Variants in PKP4 observed in about 807,000 individuals in gnomAD.
The protein encoded by PKP4 is plakophilin-4.
Under a neutral mutation model 145.1 loss-of-function variants are expected in PKP4, and 90 were observed. That is an observed-to-expected ratio of 0.62 (90% CI 0.52 to 0.74). The LOEUF (loss-of-function observed/expected upper bound fraction) is 0.74. Ranked by LOEUF, PKP4 falls within the 30% of genes least tolerant of loss-of-function variation. PKP4 has a pLI of 0.00. For synonymous variants in PKP4, 563 were observed against 577.2 expected, an observed-to-expected ratio of 0.98 and a Z score of 0.35; for missense variants, 1,340 against 1,482.7, an observed-to-expected ratio of 0.90 and a Z score of 1.58.
At chr2:158,637,046 A>G (rs761476478) in intron 9 of PKP4, among the ~76,000 whole-genome samples, 2 of 152,058 alleles carry the variant, frequency 1.3e-5, no homozygotes, top group Admixed American at 6.5e-5. Flanking sequence ...TCTCATGTTT[A>G]GTCATTTTAA....
At chr2:158,617,181 C>T (rs56140314) in intron 4 of PKP4, among the ~76,000 whole-genome samples, 9,282 of 152,164 alleles carry the variant, frequency 0.061, 654 homozygotes, top group African/African-American at 0.17. Context: ...ATTTTGCAGT[C>T]TTAGGCACAA....
At position 158,607,509 on chromosome 2, in the gene PKP4, G is replaced by T. The variant is rs564796485; in HGVS notation, c.280+4405G>T. On this transcript the variant is annotated intron_variant, in intron 4 of 21. Transcript: ENST00000389759. ...ACCAGAAAGCTGCTATCATCCCTAG[G>T]ACTGCAGAGGCAAAGGGGTAGGTAG... 4.4e-4 allele frequency among the ~76,000 whole-genome samples: 67 copies of T among 152,242 alleles called. 2 individuals carry two copies. In the South Asian group the frequency reaches 0.013, roughly 29 times the overall value.
At chr2:158,545,073 C>CTTTTTTTTTTTTTTTTTT (rs386391605) in intron 2 of PKP4, among the ~76,000 whole-genome samples, 1 of 72,510 alleles carries the variant, frequency 1.4e-5, no homozygotes, top group African/African-American at 5.7e-5. Context: ...AAGTCTTTCA[C>CTTTTTTTTTTTTTTTTTT]TTTTTTTTTT....
intron 1 of PKP4, among the ~76,000 whole-genome samples, chr2:158,458,707 C>T (rs1039435905): frequency 6.6e-6 from 1 of 152,004 alleles, no homozygotes; most frequent in Non-Finnish European, 1.5e-5. Flanking sequence ...TAATTTTTTT[C>T]CCTCGTCATA....
intron 11 of PKP4, among the ~76,000 whole-genome samples, chr2:158,654,568 A>G (rs1313308771): frequency 6.6e-6 from 1 of 152,120 alleles, no homozygotes; most frequent in Non-Finnish European, 1.5e-5. Context: ...GACTTTTCCG[A>G]TTCTGGGAGA....
Position 158,662,999 on chromosome 2 carries a change from C to T in PKP4, c.2314C>T (p.Leu772=). 1 of 1,613,942 alleles carries T rather than the reference C, an allele frequency of 6.2e-7. No homozygotes were observed. The highest frequency in any genetic ancestry group is 8.5e-7 in the Non-Finnish European group (1 of 1,179,992). The change falls in exon 14 of 22, where the codon CTA becomes TTA. Residue 772 remains leucine (L), a synonymous_variant. Transcript: ENST00000389759. ...LLGLNELDDL[L]GKESPSKDSE... is the part of the protein sequence containing the mutation. ...GGGACTGAACGAATTGGATGACTTACTAGGAAAAGAGTCTCCCAGCAAAGA... is the reference window on the plus strand; with the variant it reads ...GGGACTGAACGAATTGGATGACTTATTAGGAAAAGAGTCTCCCAGCAAAGA...
intron 1 of PKP4, among the ~76,000 whole-genome samples, chr2:158,514,318 T>G (rs1450670537): frequency 2.6e-5 from 4 of 152,232 alleles, no homozygotes; most frequent in Non-Finnish European, 5.9e-5. Context: ...AAATAAGTTA[T>G]CATCCAGTCC....
chr2:158,473,063 A>C (rs1349051228), intron 1 of PKP4, among the ~76,000 whole-genome samples: 3 of 152,256 alleles, frequency 2.0e-5, no homozygotes, highest in Admixed American at 6.5e-5. Context: ...AAAAAAGCTC[A>C]GTATCACTGA....
chr2:158,511,163 GA>G lies in PKP4; in HGVS notation c.-5-22016del, dbSNP rs2041478268. On this transcript the variant is annotated intron_variant, in intron 1 of 21. Coordinates refer to ENST00000389759, the MANE Select transcript of PKP4 (RefSeq NM_003628.6). Reference sequence around the variant, plus strand: ...GCACTTTGGGAGACCAAGGCGAGCGGATCACCTGAGGTCAGGAGCTCAAGAC... The same window carrying G: ...GCACTTTGGGAGACCAAGGCGAGCGGTCACCTGAGGTCAGGAGCTCAAGAC... Among the ~76,000 whole-genome samples, 4 of 152,270 alleles carry G rather than the reference GA, an allele frequency of 2.6e-5. No individual in the cohort carries two copies. In the South Asian group the frequency reaches 8.3e-4, roughly 32 times the overall value.
chr2:158,668,851 T>C (rs2057337905), intron 16 of PKP4, among the ~76,000 whole-genome samples: 1 of 152,218 alleles, frequency 6.6e-6, no homozygotes, highest in Non-Finnish European at 1.5e-5. Flanking sequence ...CGATTGCACA[T>C]CCACTCAATT....
At chr2:158,670,508 C>T (rs1270989384) in intron 17 of PKP4, among the ~76,000 whole-genome samples, 3 of 152,128 alleles carry the variant, frequency 2.0e-5, no homozygotes, top group Non-Finnish European at 2.9e-5. Flanking sequence ...GGACACAGAC[C>T]TTCAGACCAT....
At position 158,603,022 on chromosome 2, in the gene PKP4, TATGA is replaced by T. The variant is rs757293838; in HGVS notation, c.246-47_246-44del. 130 of 1,221,054 alleles carry T rather than the reference TATGA, an allele frequency of 1.1e-4. No individual in the cohort carries two copies. The African/African-American group carries it at 1.8e-3, about 17-fold the overall frequency. The allele number at this position is 1,221,054 out of a possible 1,614,324, so 75.6% of individuals were successfully genotyped here. On this transcript the variant is annotated intron_variant, in intron 3 of 21. Coordinates refer to ENST00000389759, the MANE Select transcript of PKP4 (RefSeq NM_003628.6). ...GCAAAACAGGTCCTAAGCTAAATTT[TATGA>T]CAAAATAAATAAATGTTCCATTTTT...
At chr2:158,651,081 A>G (rs1432889978) in intron 11 of PKP4, among the ~76,000 whole-genome samples, 1 of 152,178 alleles carries the variant, frequency 6.6e-6, no homozygotes, top group South Asian at 2.1e-4. Context: ...GTATTTTTCT[A>G]TAACTGAGGA....
At chr2:158,608,764 G>A (rs779543891) in intron 4 of PKP4, among the ~76,000 whole-genome samples, 55 of 146,574 alleles carry the variant, frequency 3.8e-4, no homozygotes, top group Non-Finnish European at 7.5e-4. Flanking sequence ...GTAGCAAATT[G>A]AAAATTTATG....
chr2:158,538,288 T>C (rs1025205944), intron 2 of PKP4, among the ~76,000 whole-genome samples: 2 of 152,190 alleles, frequency 1.3e-5, no homozygotes, highest in African/African-American at 2.4e-5. Flanking sequence ...GTAGAATACA[T>C]TGTAGTTTTA....
intron 7 of PKP4, among the ~76,000 whole-genome samples, chr2:158,628,613 A>G (rs947987048): frequency 6.6e-6 from 1 of 152,236 alleles, no homozygotes; most frequent in Non-Finnish European, 1.5e-5. Context: ...TAATGATCCT[A>G]TAACGAGTGA....
At chr2:158,574,203 G>T (rs188180505) in intron 2 of PKP4, among the ~76,000 whole-genome samples, 3 of 152,172 alleles carry the variant, frequency 2.0e-5, no homozygotes, top group Non-Finnish European at 4.4e-5. Flanking sequence ...TTCTAAAGTC[G>T]TGTGGTATTG....
At chr2:158,655,345 A>G (rs1439692835) in intron 11 of PKP4, among the ~76,000 whole-genome samples, 1 of 152,248 alleles carries the variant, frequency 6.6e-6, no homozygotes, top group East Asian at 1.9e-4. Flanking sequence ...TTCTCAAATC[A>G]GAGAAATATT....
rs114154869 is a variant in PKP4, at chr2:158,544,550, A to G, written c.132+11234A>G. 3.3e-3 allele frequency among the ~76,000 whole-genome samples: 503 copies of G among 152,206 alleles called. 4 individuals carry two copies. Among genetic ancestry groups the G allele is most frequent in the African/African-American group, 0.012 (489 of 41,532 alleles). On this transcript the variant is annotated intron_variant, in intron 2 of 21. Coordinates refer to ENST00000389759, the MANE Select transcript of PKP4 (RefSeq NM_003628.6). Reference sequence around the variant, plus strand: ...CAGCTCAACAAGAAAAGTCCTCGTTATATTGTATTAATTTCATTCTGATGA... The same window carrying G: ...CAGCTCAACAAGAAAAGTCCTCGTTGTATTGTATTAATTTCATTCTGATGA...
Sources: gnomAD v4.1 joint callset for allele counts (sites outside exome capture counted in the v4.1 genomes callset) on GRCh38, gnomAD v4.1.1 for gene constraint, MANE v1.5 for transcripts, NCBI Gene and HGNC (gene_info 2026-07-23, HGNC 2026-07-21) for gene names.